The following EPHB2 variants were observed in gnomAD, a reference collection of about 807,000 sequenced individuals.
EPHB2 encodes the protein EPH receptor B2.
In EPHB2, 18 loss-of-function variants were observed where a neutral mutation model predicts 96.4. The observed-to-expected ratio is 0.19, with a 90% CI of 0.13 to 0.28. EPHB2 has a LOEUF of 0.28. EPHB2 is among the 10% of genes least tolerant of loss of function. The probability of loss-of-function intolerance (pLI) is 1.00; values close to 1 mark genes in which losing one functional copy is unlikely to be tolerated. For missense variants in EPHB2, 989 were observed against 1,355.4 expected, an observed-to-expected ratio of 0.73 and a Z score of 4.25; for synonymous variants, 506 against 534.1, an observed-to-expected ratio of 0.95 and a Z score of 0.72.
chr1:22,741,715 C>T (rs1202906812), intron 1 of EPHB2, among the ~76,000 whole-genome samples: 3 of 124,232 alleles, frequency 2.4e-5, no homozygotes, highest in African/African-American at 8.5e-5. Flanking sequence ...CTCAGTTTCT[C>T]ACGTTGGCTC....
In EPHB2 at chr1:22,784,924, T is replaced by C. The variant is rs753696355; in HGVS notation, c.659T>C (p.Val220Ala). 2.5e-6 allele frequency: 4 copies of C among 1,613,860 alleles called. No homozygotes were observed. Among genetic ancestry groups the C allele is most frequent in the Non-Finnish European group, 1.7e-6 (2 of 1,180,056 alleles). Residue 220 changes from valine to alanine, a missense_variant, in exon 3 of 16, where the codon GTG becomes GCG. By Grantham distance (64) the Val-to-Ala change is moderately conservative. Coordinates refer to ENST00000374630, the MANE Select transcript of EPHB2 (RefSeq NM_017449.5). This position sits in a 1 kb window ranked among gnomAD's most constrained non-coding sequence, Gnocchi z 5.1. ...TLSGAESTSL[V>A]AARGSCIANA... ...TCGGGGGCTGAGAGCACATCGCTGG[T>C]GGCTGCCCGGGGCAGCTGCATCGCC...
intron 3 of EPHB2, among the ~76,000 whole-genome samples, chr1:22,815,267 T>C (rs1570328146): frequency 6.6e-6 from 1 of 150,964 alleles, no homozygotes; most frequent in African/African-American, 2.4e-5. Context: ...AGGTGGGGGG[T>C]GGTTGTGGGG....
chr1:22,753,522 G>T (rs1322553209), intron 1 of EPHB2, among the ~76,000 whole-genome samples: 1 of 152,186 alleles, frequency 6.6e-6, no homozygotes, highest in Non-Finnish European at 1.5e-5. Flanking sequence ...AGCCCAGTCT[G>T]GGTGGTCAGG....
intron 6 of EPHB2, among the ~76,000 whole-genome samples, chr1:22,888,595 T>C (rs1462707494): frequency 2.0e-5 from 3 of 152,140 alleles, no homozygotes; most frequent in Non-Finnish European, 1.5e-5. Context: ...ACTAGTGGAT[T>C]TCATACTGAA....
chr1:22,810,392 C>G (rs1441984939), intron 3 of EPHB2, among the ~76,000 whole-genome samples: 1 of 152,146 alleles, frequency 6.6e-6, no homozygotes, highest in Non-Finnish European at 1.5e-5. Flanking sequence ...ATTGAGCCTC[C>G]CCTTCGTGCT....
At chr1:22,786,800 C>T (rs983339293) in intron 3 of EPHB2, among the ~76,000 whole-genome samples, 4 of 152,172 alleles carry the variant, frequency 2.6e-5, no homozygotes, top group Non-Finnish European at 5.9e-5. Flanking sequence ...AGGTAAGAGT[C>T]ACAGGGAACA....
At chr1:22,888,055 G>T (rs560687120) in intron 6 of EPHB2, among the ~76,000 whole-genome samples, 2 of 151,952 alleles carry the variant, frequency 1.3e-5, no homozygotes, top group South Asian at 4.2e-4. Context: ...GGTTTTTTTT[G>T]TGTGTGTGAC....
chr1:22,781,318 TAA>T (rs71020449), intron 1 of EPHB2, 101 bp from the exon 2 acceptor site: 172,567 of 859,234 alleles, frequency 0.2, 5 homozygotes, highest in Non-Finnish European at 0.23. Flanking sequence ...AGACTCCGTC[TAA>T]AAAAAAAAAA....
At chr1:22,809,325 G>C (rs934626309) in intron 3 of EPHB2, among the ~76,000 whole-genome samples, 2 of 152,208 alleles carry the variant, frequency 1.3e-5, no homozygotes, top group Non-Finnish European at 2.9e-5. Context: ...CTCAGAGCAA[G>C]ACAATTAAGT....
intron 13 of EPHB2, among the ~76,000 whole-genome samples, chr1:22,910,051 A>C (rs377710917): frequency 6.6e-6 from 1 of 152,158 alleles, no homozygotes; most frequent in African/African-American, 2.4e-5. Flanking sequence ...CATCCAAGCC[A>C]AGAGGGGGCT....
intron 1 of EPHB2, among the ~76,000 whole-genome samples, chr1:22,776,959 G>C (rs1553163250): frequency 6.6e-6 from 1 of 152,188 alleles, no homozygotes; most frequent in Non-Finnish European, 1.5e-5. Flanking sequence ...GGACCACAGA[G>C]CTTTGGGAGA....
chr1:22,908,222 G>A (rs1639979557), intron 12 of EPHB2, 54 bp downstream of exon 12: 6 of 1,601,210 alleles, frequency 3.7e-6, no homozygotes, highest in African/African-American at 1.3e-5. Flanking sequence ...GAGGGCATGA[G>A]TGTCCATCTC....
intron 3 of EPHB2, among the ~76,000 whole-genome samples, chr1:22,847,107 A>G (rs1645554862): frequency 6.6e-6 from 1 of 152,218 alleles, no homozygotes; most frequent in Non-Finnish European, 1.5e-5. Flanking sequence ...CACCTCTTCT[A>G]GATGTGGGAA....
intron 5 of EPHB2, among the ~76,000 whole-genome samples, chr1:22,869,035 G>A (rs1391820979): frequency 1.3e-5 from 2 of 152,068 alleles, no homozygotes; most frequent in Non-Finnish European, 2.9e-5. Flanking sequence ...GGAAACTCAG[G>A]TCTGAGTAAG....
intron 3 of EPHB2, among the ~76,000 whole-genome samples, chr1:22,836,246 G>A (rs1443725383): frequency 6.6e-6 from 1 of 152,232 alleles, no homozygotes; most frequent in Non-Finnish European, 1.5e-5. Context: ...GCTTGCACCA[G>A]GGTGGGGGAG....
chr1:22,845,935 T>C (rs1476852110), intron 3 of EPHB2, among the ~76,000 whole-genome samples: 1 of 152,194 alleles, frequency 6.6e-6, no homozygotes, highest in Non-Finnish European at 1.5e-5. Flanking sequence ...TTTCAACTTT[T>C]GACCCTTTAA....
At chr1:22,766,131 ACT>A (rs1402991416) in intron 1 of EPHB2, among the ~76,000 whole-genome samples, 1 of 152,016 alleles carries the variant, frequency 6.6e-6, no homozygotes, top group Non-Finnish European at 1.5e-5. Context: ...AGCACAGGGG[ACT>A]CTCTGAGCTT....
At chr1:22,753,605 C>T (rs1415644363) in intron 1 of EPHB2, among the ~76,000 whole-genome samples, 1 of 152,230 alleles carries the variant, frequency 6.6e-6, no homozygotes, top group East Asian at 1.9e-4. Flanking sequence ...CAGGCACAAG[C>T]GTGGAGTGCG....
chr1:22,740,114 A>C (rs1643885522), intron 1 of EPHB2, among the ~76,000 whole-genome samples: 1 of 152,046 alleles, frequency 6.6e-6, no homozygotes, highest in African/African-American at 2.4e-5. Flanking sequence ...GCTTCCTTGT[A>C]CTCAACCTGA....
Sources: allele counts gnomAD v4.1 joint callset (sites outside exome capture counted in the v4.1 genomes callset), GRCh38; gene constraint gnomAD v4.1.1; non-coding constraint Gnocchi (gnomAD v3.1); transcripts MANE v1.5; gene names NCBI Gene and HGNC (gene_info 2026-07-23, HGNC 2026-07-21).